Variants in TSHZ2 observed in about 807,000 individuals in gnomAD.
TSHZ2 encodes the protein teashirt homolog 2.
Under a neutral mutation model 74.4 loss-of-function variants are expected in TSHZ2, and 21 were observed. The observed-to-expected ratio is 0.28, with a 90% CI of 0.20 to 0.41. The LOEUF (loss-of-function observed/expected upper bound fraction) is 0.41. Ranked by LOEUF, TSHZ2 falls within the 10% of genes least tolerant of loss-of-function variation. The pLI, the probability that TSHZ2 is intolerant of heterozygous loss-of-function variation, is 1.00. For synonymous variants in TSHZ2, 540 were observed against 515.3 expected, an observed-to-expected ratio of 1.05 and a Z score of -0.65; for missense variants, 1,244 against 1,293.5, an observed-to-expected ratio of 0.96 and a Z score of 0.59.
intron 1 of TSHZ2, among the ~76,000 whole-genome samples, chr20:53,066,251 G>A (rs1984981378): frequency 6.7e-6 from 1 of 149,522 alleles, no homozygotes; most frequent in Non-Finnish European, 1.5e-5. Context: ...TGCTCCCTCC[G>A]ACCCCCGACT....
intron 2 of TSHZ2, among the ~76,000 whole-genome samples, chr20:53,377,634 C>T (rs551433529): frequency 2.5e-4 from 38 of 152,194 alleles, no homozygotes; most frequent in African/African-American, 7.0e-4. Context: ...CCAAGGAGGG[C>T]GGATCACTTT....
At chr20:53,072,594 T>G (rs1229652622) in intron 1 of TSHZ2, among the ~76,000 whole-genome samples, 1 of 152,222 alleles carries the variant, frequency 6.6e-6, no homozygotes, top group East Asian at 1.9e-4. Context: ...TAAGAGCCCA[T>G]AAAATTGATA....
intron 1 of TSHZ2, among the ~76,000 whole-genome samples, chr20:53,064,679 TAGAC>T (rs1984921957): frequency 1.0e-5 from 1 of 98,786 alleles, no homozygotes; most frequent in Non-Finnish European, 1.9e-5. Flanking sequence ...ATAAAAGACG[TAGAC>T]AGAGAAACAC....
At chr20:53,386,757 G>A (rs1982061066) in intron 2 of TSHZ2, among the ~76,000 whole-genome samples, 2 of 152,142 alleles carry the variant, frequency 1.3e-5, no homozygotes, top group Admixed American at 6.5e-5. Context: ...CCCAGAAGGC[G>A]GCGGAATGTT....
At chr20:53,453,355 A>G (rs1342475298) in intron 2 of TSHZ2, among the ~76,000 whole-genome samples, 2 of 152,180 alleles carry the variant, frequency 1.3e-5, no homozygotes, top group Non-Finnish European at 2.9e-5. Flanking sequence ...CTACGAACAC[A>G]TTGTCAATAA....
At chr20:53,305,482 A>G (rs1181301289) in intron 2 of TSHZ2, among the ~76,000 whole-genome samples, 1 of 152,140 alleles carries the variant, frequency 6.6e-6, no homozygotes, top group East Asian at 1.9e-4. Context: ...ACGCCAAGCT[A>G]TATCCCAGAC....
At chr20:53,478,306 T>A (rs1042786411) in intron 2 of TSHZ2, among the ~76,000 whole-genome samples, 1 of 151,430 alleles carries the variant, frequency 6.6e-6, no homozygotes, top group Non-Finnish European at 1.5e-5. Context: ...ATGTGGCACA[T>A]ATACACCATG....
At chr20:53,366,958 C>A (rs1253381574) in intron 2 of TSHZ2, among the ~76,000 whole-genome samples, 1 of 152,192 alleles carries the variant, frequency 6.6e-6, no homozygotes, top group Admixed American at 6.5e-5. Flanking sequence ...GGCTGTGCGA[C>A]TTAATCGAGG....
chr20:53,285,251 G>A (rs1301131760), intron 2 of TSHZ2, among the ~76,000 whole-genome samples: 4 of 152,166 alleles, frequency 2.6e-5, no homozygotes, highest in South Asian at 2.1e-4. Flanking sequence ...ACGTGAATGC[G>A]GGCAGTGATT....
At chr20:53,264,544 A>G (rs1990669565) in intron 2 of TSHZ2, among the ~76,000 whole-genome samples, 1 of 152,228 alleles carries the variant, frequency 6.6e-6, no homozygotes, top group African/African-American at 2.4e-5. Flanking sequence ...ATCTTCTTGC[A>G]TGCCAAAAAC....
chr20:53,235,274 C>G (rs746834260), intron 1 of TSHZ2, among the ~76,000 whole-genome samples: 2 of 151,914 alleles, frequency 1.3e-5, no homozygotes, highest in Admixed American at 1.3e-4. Flanking sequence ...TTCAAGTGAT[C>G]CTCCCACCTC....
chr20:53,020,073 G>T (rs1274467460), intron 1 of TSHZ2, among the ~76,000 whole-genome samples: 1 of 152,094 alleles, frequency 6.6e-6, no homozygotes, highest in African/African-American at 2.4e-5. Flanking sequence ...TTTTAAAACC[G>T]TGAGAGCTCG....
Position 53,451,860 on chromosome 20 carries a change from A to G in TSHZ2, c.*9-35284A>G, listed in dbSNP as rs369560102. On this transcript the variant is annotated intron_variant, in intron 2 of 2. Transcript: ENST00000371497. ...ACTTAGTACAGTAGGAACACAGTAA[A>G]GATTCAATTGGTATTTGTGGAATGA... 8.5e-5 allele frequency among the ~76,000 whole-genome samples: 13 copies of G among 152,328 alleles called. No homozygotes were observed. The East Asian group carries it at 2.5e-3, about 29-fold the overall frequency.
chr20:53,389,074 C>A (rs1033400100), intron 2 of TSHZ2, among the ~76,000 whole-genome samples: 56 of 152,312 alleles, frequency 3.7e-4, no homozygotes, highest in African/African-American at 1.3e-3. Flanking sequence ...TGCAGGCAAG[C>A]AGGAACATAC....
intron 2 of TSHZ2, among the ~76,000 whole-genome samples, chr20:53,359,371 G>C (rs2145600968): frequency 6.6e-6 from 1 of 152,224 alleles, no homozygotes; most frequent in Admixed American, 6.5e-5. Flanking sequence ...AAATGAAAGA[G>C]AGTAATACAT....
intron 2 of TSHZ2, among the ~76,000 whole-genome samples, chr20:53,431,724 G>A (rs529599146): frequency 3.4e-4 from 52 of 152,308 alleles, no homozygotes; most frequent in Non-Finnish European, 5.9e-4. Flanking sequence ...ATTTTGTGGA[G>A]CTGGGGATGG....
chr20:53,035,266 C>T (rs1983777612), intron 1 of TSHZ2, among the ~76,000 whole-genome samples: 1 of 152,186 alleles, frequency 6.6e-6, no homozygotes, highest in African/African-American at 2.4e-5. Flanking sequence ...CCTCTTTTCT[C>T]CTGTGAGACT....
intron 2 of TSHZ2, among the ~76,000 whole-genome samples, chr20:53,476,593 C>T (rs1200698275): frequency 2.8e-5 from 4 of 140,802 alleles, no homozygotes; most frequent in South Asian, 2.3e-4. Context: ...CCTTTGAAAA[C>T]TGGCACAAGA....
intron 1 of TSHZ2, among the ~76,000 whole-genome samples, chr20:53,024,356 A>G (rs969273022): frequency 6.6e-6 from 1 of 150,940 alleles, no homozygotes; most frequent in Non-Finnish European, 1.5e-5. Context: ...ATGAACCTTT[A>G]TTTTGTGCCT....
Sources: gnomAD v4.1 joint callset for allele counts (sites outside exome capture counted in the v4.1 genomes callset) on GRCh38, gnomAD v4.1.1 for gene constraint, MANE v1.5 for transcripts, NCBI Gene and HGNC (gene_info 2026-07-23, HGNC 2026-07-21) for gene names.